CDK5RAP2: variants seen among roughly 807,000 people sequenced by gnomAD.
The protein encoded by CDK5RAP2 is CDK5 regulatory subunit associated protein 2, also known as CDK5 regulatory subunit-associated protein 2.
Under a neutral mutation model 232.9 loss-of-function variants are expected in CDK5RAP2, and 147 were observed. The ratio of observed to expected loss-of-function variants is 0.63; its 90% CI spans 0.55 to 0.72. The LOEUF (loss-of-function observed/expected upper bound fraction) is 0.72, where lower values mean the gene tolerates loss of function less well. Among genes scored for constraint, CDK5RAP2 ranks in the 30% least tolerant of loss-of-function variants. CDK5RAP2 has a pLI of 0.00. For missense variants in CDK5RAP2, 2,195 were observed against 2,231.5 expected, an observed-to-expected ratio of 0.98 and a Z score of 0.33; for synonymous variants, 833 against 833.7, an observed-to-expected ratio of 1.00 and a Z score of 0.01.
chr9:120,401,708 G>C (rs1217831305), intron 34 of CDK5RAP2, among the ~76,000 whole-genome samples: 1 of 152,026 alleles, frequency 6.6e-6, no homozygotes, highest in Non-Finnish European at 1.5e-5. Context: ...ATCTGGGCTG[G>C]GTGCAGTGGC....
At chr9:120,571,096 T>G (rs976473930) in intron 2 of CDK5RAP2, among the ~76,000 whole-genome samples, 1 of 152,198 alleles carries the variant, frequency 6.6e-6, no homozygotes, top group Non-Finnish European at 1.5e-5. Flanking sequence ...AGGTCAAGGC[T>G]GCAGTGTGCG....
chr9:120,388,950 A>ACTT lies in CDK5RAP2; in HGVS notation c.*285_*286insAAG, dbSNP rs1427534010. On this transcript the variant is annotated 3_prime_UTR_variant, in exon 38 of 38. Transcript: ENST00000349780. ...GAGTACTAAGCAAATCCAGGGGAAG[A>ACTT]CGTGAAGCCCACCAAGGCGCACAGC... The ACTT allele has an allele frequency of 9.4e-6, 5 of 529,332 alleles. No individual in the cohort carries two copies. The African/African-American group carries it at 9.5e-5, about 10-fold the overall frequency. 32.8% of individuals were successfully genotyped at this position (529,332 alleles called of 1,614,324 possible).
chr9:120,556,100 T>C (rs1474873863), intron 3 of CDK5RAP2, among the ~76,000 whole-genome samples: 1 of 152,198 alleles, frequency 6.6e-6, no homozygotes, highest in Non-Finnish European at 1.5e-5. Flanking sequence ...CTGTTCTATA[T>C]TCTGATTGTG....
intron 3 of CDK5RAP2, among the ~76,000 whole-genome samples, chr9:120,565,141 G>C (rs1438551703): frequency 6.6e-6 from 1 of 152,198 alleles, no homozygotes; most frequent in Non-Finnish European, 1.5e-5. Flanking sequence ...GAAAGGAATT[G>C]CTTTGATAGA....
At chr9:120,512,513 T>A (rs1246979203) in intron 12 of CDK5RAP2, among the ~76,000 whole-genome samples, 1 of 152,264 alleles carries the variant, frequency 6.6e-6, no homozygotes, top group Non-Finnish European at 1.5e-5. Context: ...TTACAATGTT[T>A]ACAGCTTCAA....
At chr9:120,541,079 G>A (rs945061334) in intron 5 of CDK5RAP2, among the ~76,000 whole-genome samples, 5 of 152,178 alleles carry the variant, frequency 3.3e-5, no homozygotes, top group South Asian at 2.1e-4. Flanking sequence ...AATTCTGGAC[G>A]AGAAGCCCTT....
rs2034723919 is a variant in CDK5RAP2 at position 120,423,930 on chromosome 9, C to A, written c.3956-1189G>T. Among the ~76,000 whole-genome samples, 2 of 152,240 alleles carry A rather than the reference C, an allele frequency of 1.3e-5. 1 individual carries two copies. The highest frequency in any genetic ancestry group is 4.1e-4 in the South Asian group (2 of 4,834). The stretch of plus-strand genomic sequence containing the variant: ...TCCAGGTTCCCTATCGCCCACCAGG[C>A]CAGCCACCTGGGCACCAAGAGTCAG... On this transcript the variant is annotated intron_variant, in intron 25 of 37. Transcript: ENST00000349780.
chr9:120,578,361 T>C (rs999896681), intron 1 of CDK5RAP2, among the ~76,000 whole-genome samples: 1 of 152,140 alleles, frequency 6.6e-6, no homozygotes, highest in Non-Finnish European at 1.5e-5. Flanking sequence ...ATACTCCCAA[T>C]ATATTGGGGC....
In CDK5RAP2 at chr9:120,520,946, CAT is replaced by C. The variant is rs574519391; in HGVS notation, c.1093-2303_1093-2302del. On this transcript the variant is annotated intron_variant, in intron 11 of 37. Transcript: ENST00000349780. Reference sequence around the variant, plus strand: ...GCTGTATCTCATATATCATATATCTCATATGAGCTGTATCTCATGTATCATAT... The same window carrying C: ...GCTGTATCTCATATATCATATATCTCATGAGCTGTATCTCATGTATCATAT... Among the ~76,000 whole-genome samples, 16 of 151,700 alleles carry C rather than the reference CAT, an allele frequency of 1.1e-4. No homozygotes were observed. In the South Asian group the frequency reaches 2.7e-3, roughly 26 times the overall value.
At chr9:120,523,341 A>C (rs916555647) in intron 11 of CDK5RAP2, among the ~76,000 whole-genome samples, 2 of 152,236 alleles carry the variant, frequency 1.3e-5, no homozygotes, top group African/African-American at 4.8e-5. Context: ...TCTGGCTATC[A>C]GCAGCCAACA....
intron 15 of CDK5RAP2, among the ~76,000 whole-genome samples, chr9:120,476,678 CAAAA>C (rs553428055): frequency 3.5e-5 from 3 of 85,706 alleles, no homozygotes; most frequent in Non-Finnish European, 4.9e-5. Flanking sequence ...GACTCCATCT[CAAAA>C]AAAAAAAAAA....
intron 21 of CDK5RAP2, 26 bp downstream of exon 21, chr9:120,453,430 C>G (rs1333908672): frequency 6.3e-7 from 1 of 1,588,952 alleles, no homozygotes; most frequent in East Asian, 2.2e-5. Flanking sequence ...AAAGTAAGTA[C>G]ATAATTATTA....
chr9:120,436,044 C>A (rs2035558007), intron 25 of CDK5RAP2, among the ~76,000 whole-genome samples: 1 of 152,134 alleles, frequency 6.6e-6, no homozygotes, highest in African/African-American at 2.4e-5. Flanking sequence ...GTATCTTCTA[C>A]AAATTATTCA....
intron 27 of CDK5RAP2, among the ~76,000 whole-genome samples, chr9:120,419,362 A>G (rs537499504): frequency 6.6e-6 from 1 of 152,346 alleles, no homozygotes; most frequent in South Asian, 2.1e-4. Context: ...GATTCCTACA[A>G]TCACAAATGT....
At chr9:120,565,806 G>A (rs1295490004) in intron 3 of CDK5RAP2, among the ~76,000 whole-genome samples, 1 of 152,054 alleles carries the variant, frequency 6.6e-6, no homozygotes, top group Non-Finnish European at 1.5e-5. Context: ...CTCCTCTGTG[G>A]CCCCACAGCA....
chr9:120,456,332 AGTCAGGCTGTACT>A (rs1037065786), intron 20 of CDK5RAP2, among the ~76,000 whole-genome samples: 2 of 152,230 alleles, frequency 1.3e-5, no homozygotes, highest in African/African-American at 4.8e-5. Context: ...CTGGTGAAAC[AGTCAGGCTGTACT>A]CTACAACTCC....
chr9:120,438,747 T>TC (rs1282626276), intron 24 of CDK5RAP2, among the ~76,000 whole-genome samples: 1 of 152,190 alleles, frequency 6.6e-6, no homozygotes, highest in Non-Finnish European at 1.5e-5. Flanking sequence ...GCTTGGGAAG[T>TC]CTTGAAAAAT....
At chr9:120,412,110 A>C (rs1377520882) in intron 28 of CDK5RAP2, among the ~76,000 whole-genome samples, 1 of 152,194 alleles carries the variant, frequency 6.6e-6, no homozygotes, top group African/African-American at 2.4e-5. Context: ...TTATTATCCT[A>C]AACAAATTCC....
At chr9:120,506,982 C>A (rs935598922) in intron 12 of CDK5RAP2, among the ~76,000 whole-genome samples, 2 of 152,126 alleles carry the variant, frequency 1.3e-5, no homozygotes, top group African/African-American at 4.8e-5. Flanking sequence ...CTACAAACAG[C>A]ATTACATGCC....
Sources: gnomAD v4.1 joint callset for allele counts (sites outside exome capture counted in the v4.1 genomes callset) on GRCh38, gnomAD v4.1.1 for gene constraint, MANE v1.5 for transcripts, NCBI Gene and HGNC (gene_info 2026-07-23, HGNC 2026-07-21) for gene names.